IQCE: variants seen among roughly 807,000 people sequenced by gnomAD.
IQCE encodes IQ motif containing E.
Under a neutral mutation model 96.0 loss-of-function variants are expected in IQCE, and 115 were observed. The observed-to-expected ratio is 1.20, with a 90% CI of 1.03 to 1.40. The LOEUF (loss-of-function observed/expected upper bound fraction) is 1.40. Among genes scored for constraint, IQCE ranks in the 40% most tolerant of loss-of-function variants. The pLI is 0.00. For synonymous variants in IQCE, 412 were observed against 371.2 expected (o/e 1.11, Z -1.26); for missense variants, 1,041 against 909.1 (o/e 1.15, Z -1.87).
rs1189396612 is a variant in IQCE at position 2,588,776 on chromosome 7, C to T, written c.1044+899C>T. Among the ~76,000 whole-genome samples the T allele has an allele frequency of 4.0e-5, 6 of 150,584 alleles. No individual in the cohort carries two copies. In the East Asian group the frequency reaches 1.2e-3, roughly 29 times the overall value. On this transcript the variant is annotated intron_variant, in intron 13 of 21. Coordinates refer to ENST00000402050, the MANE Select transcript of IQCE (RefSeq NM_152558.5). ...TGCCTCCTGGGTTCAGGCAGTTCCC[C>T]TGCCTCAGCCTCACCAGTAGCTGGG... is the stretch of plus-strand genomic sequence containing the variant.
At chr7:2,576,405 CAG>C (rs1226792910) in intron 6 of IQCE, among the ~76,000 whole-genome samples, 3 of 152,122 alleles carry the variant, frequency 2.0e-5, no homozygotes, top group Non-Finnish European at 4.4e-5. Context: ...AAATCCACTA[CAG>C]AGTCTTTTTT....
At chr7:2,588,063 C>T (rs539506584) in intron 13 of IQCE, among the ~76,000 whole-genome samples, 186 bp downstream of exon 13, 155 of 152,362 alleles carry the variant, frequency 1.0e-3, no homozygotes, top group African/African-American at 3.6e-3. Flanking sequence ...TCATGCCCCT[C>T]GCTGGGCTGT....
In IQCE at chr7:2,612,934, C is replaced by T. The variant is rs190222056; in HGVS notation, c.*2772C>T. On this transcript the variant is annotated 3_prime_UTR_variant, in exon 22 of 22. Transcript: ENST00000402050. ...GAGTCCCCAAGAAAGGGACTCCTGCCCCAGCGTCAAGTGCCAAAGCAGGCC... is the reference window on the plus strand; with the variant it reads ...GAGTCCCCAAGAAAGGGACTCCTGCTCCAGCGTCAAGTGCCAAAGCAGGCC... 1 of 152,260 alleles carries T rather than the reference C, an allele frequency of 6.6e-6. No individual in the cohort carries two copies. Among genetic ancestry groups the T allele is most frequent in the East Asian group, 1.9e-4 (1 of 5,176 alleles). 9.4% of individuals were successfully genotyped at this position (152,260 alleles called of 1,614,324 possible). A position where few individuals can be genotyped will look rare whatever the true frequency, so the allele number is the denominator to read the frequency against.
At chr7:2,573,684 A>C (rs1393672340) in intron 6 of IQCE, among the ~76,000 whole-genome samples, 196 bp downstream of exon 6, 1 of 152,158 alleles carries the variant, frequency 6.6e-6, no homozygotes, top group Non-Finnish European at 1.5e-5. Flanking sequence ...ACCAGCACAT[A>C]AAAGGCAGCA....
intron 5 of IQCE, among the ~76,000 whole-genome samples, chr7:2,573,016 A>C (rs1737510414): frequency 6.6e-6 from 1 of 152,226 alleles, no homozygotes; most frequent in Non-Finnish European, 1.5e-5. Context: ...GTATCATTAA[A>C]ACCAAAGTAA....
intron 5 of IQCE, 62 bp downstream of exon 5, chr7:2,572,388 C>G: frequency 1.3e-6 from 2 of 1,554,938 alleles, no homozygotes; most frequent in Admixed American, 1.9e-5. Context: ...AGGACAGTCT[C>G]TGGGCTGGAG....
At chr7:2,589,261 G>T (rs1271394796) in intron 13 of IQCE, among the ~76,000 whole-genome samples, 4 of 152,066 alleles carry the variant, frequency 2.6e-5, no homozygotes, top group African/African-American at 7.2e-5. Context: ...CCAGCTACTT[G>T]GGAGGCTGAG....
chr7:2,585,594 G>A (rs1281065356), intron 11 of IQCE, among the ~76,000 whole-genome samples: 1 of 152,246 alleles, frequency 6.6e-6, no homozygotes, highest in African/African-American at 2.4e-5. Flanking sequence ...GCACAGAAAC[G>A]TGAGAGCCAC....
rs1405225663 is a variant in IQCE, at chr7:2,559,161, C to T, written c.-21C>T. The T allele has an allele frequency of 1.7e-6, 2 of 1,207,830 alleles. No homozygotes were observed. Among genetic ancestry groups the T allele is most frequent in the Non-Finnish European group, 2.1e-6 (2 of 972,446 alleles). 74.8% of individuals were successfully genotyped at this position (1,207,830 alleles called of 1,614,324 possible). A position where few individuals can be genotyped will look rare whatever the true frequency, so the allele number is the denominator to read the frequency against. On this transcript the variant is annotated 5_prime_UTR_variant, in exon 1 of 22. Coordinates refer to ENST00000402050, the MANE Select transcript of IQCE (RefSeq NM_152558.5). ...CGCCCGAGCCAGCAACCCTGAGGGG[C>T]GGCCGGGCAGCGCCGCCACCATGTT...
At chr7:2,603,844 C>T (rs918457554) in intron 18 of IQCE, among the ~76,000 whole-genome samples, 7 of 152,100 alleles carry the variant, frequency 4.6e-5, no homozygotes, top group Admixed American at 2.0e-4. Context: ...GCATGGGGCT[C>T]GGTGGGCATG....
intron 14 of IQCE, among the ~76,000 whole-genome samples, chr7:2,591,186 G>A (rs1160207131): frequency 6.6e-6 from 1 of 151,994 alleles, no homozygotes; most frequent in East Asian, 1.9e-4. Flanking sequence ...CTGGGAAGTC[G>A]AGGCTGCCGT....
intron 8 of IQCE, among the ~76,000 whole-genome samples, chr7:2,579,485 A>G (rs1408738344): frequency 5.3e-5 from 8 of 152,198 alleles, no homozygotes; most frequent in African/African-American, 1.4e-4. Flanking sequence ...AGAAAATACA[A>G]AAAAAACTAT....
In IQCE at chr7:2,601,454, T is replaced by A; in HGVS notation, c.1622T>A (p.Val541Asp). Residue 541 changes from valine (V) to aspartate (D), a missense_variant, in exon 18 of 22, where the codon GTT (valine) becomes GAT (aspartate). Val to Asp is a radical substitution (Grantham distance 152, BLOSUM62 -3). Transcript: ENST00000402050. ...KVYKHKKKKA[V>D]LDEAAVVLQA... ...TTTTTTTTCCAGAAAAAAAAGGCTGTTCTGGATGAGGTAAGCGAGGTTTAT... is the reference window on the plus strand; with the variant it reads ...TTTTTTTTCCAGAAAAAAAAGGCTGATCTGGATGAGGTAAGCGAGGTTTAT... 3 of 1,581,266 alleles carry A rather than the reference T, an allele frequency of 1.9e-6. No individual in the cohort carries two copies. The highest frequency in any genetic ancestry group is 2.6e-6 in the Non-Finnish European group (3 of 1,153,766).
rs11976972 is a variant in IQCE at position 2,572,233 on chromosome 7, C to G, written c.301C>G (p.His101Asp). The change falls in exon 5 of 22, where the codon CAT becomes GAT. Residue 101 changes from histidine (H) to aspartate (D), a missense_variant. By Grantham distance (81) the His-to-Asp change is moderately conservative. Coordinates refer to ENST00000402050, the MANE Select transcript of IQCE (RefSeq NM_152558.5). The stretch of plus-strand genomic sequence containing the variant: ...CCTGAACTCACCCCTCACCTGGGAG[C>G]ATGCGTGGACTGGCGTCCCCGGCGG... ...QALNSPLTWE[H>D]AWTGVPGGTP... 4 of 1,614,022 alleles carry G rather than the reference C, an allele frequency of 2.5e-6. No homozygotes were observed. The Admixed American group carries it at 6.7e-5, about 27-fold the overall frequency.
chr7:2,606,245 C>T (rs2128473406), intron 20 of IQCE, among the ~76,000 whole-genome samples: 1 of 152,316 alleles, frequency 6.6e-6, no homozygotes, highest in South Asian at 2.1e-4. Flanking sequence ...TCGCTTCTTC[C>T]CTACCGGGAG....
At chr7:2,595,028 C>A in intron 16 of IQCE, 52 bp downstream of exon 16, 1 of 1,290,596 alleles carries the variant, frequency 7.7e-7, no homozygotes, top group South Asian at 1.2e-5. Flanking sequence ...AGACTTTGGT[C>A]GTGACGGTTC....
intron 8 of IQCE, among the ~76,000 whole-genome samples, chr7:2,579,185 GGT>G (rs1562639489): frequency 1.3e-5 from 2 of 152,154 alleles, no homozygotes; most frequent in Non-Finnish European, 2.9e-5. Flanking sequence ...AAGATGTTGC[GGT>G]TCGGTGGTAA....
chr7:2,589,821 C>T, intron 13 of IQCE, 86 bp from the exon 14 acceptor site: 1 of 1,361,970 alleles, frequency 7.3e-7, no homozygotes, highest in Non-Finnish European at 1.0e-6. Flanking sequence ...CTCAGTTTGC[C>T]CTGGTTCAGT....
Position 2,610,197 on chromosome 7 carries a change from G to A in IQCE, c.*35G>A, listed in dbSNP as rs569836131. ...ACTGTCTCCACGCCGTGATGGCAGCGCTGCCGAGGACATAGGAACCACGAC... is the reference window on the plus strand; with the variant it reads ...ACTGTCTCCACGCCGTGATGGCAGCACTGCCGAGGACATAGGAACCACGAC... On this transcript the variant is annotated 3_prime_UTR_variant, in exon 22 of 22. Coordinates refer to ENST00000402050, the MANE Select transcript of IQCE (RefSeq NM_152558.5). The A allele has an allele frequency of 2.8e-4, 354 of 1,248,558 alleles. 6 individuals carry two copies. In the South Asian group the frequency reaches 4.0e-3, roughly 14 times the overall value. The allele number at this position is 1,248,558 out of a possible 1,614,324, so 77.3% of individuals were successfully genotyped here.
Sources: allele counts gnomAD v4.1 joint callset (sites outside exome capture counted in the v4.1 genomes callset), GRCh38; gene constraint gnomAD v4.1.1; transcripts MANE v1.5; gene names NCBI Gene and HGNC (gene_info 2026-07-23, HGNC 2026-07-21).